The following PXN variants were observed in gnomAD, a reference collection of about 807,000 sequenced individuals.
PXN encodes testicular tissue protein Li 134.
PXN carries 61 observed loss-of-function variants against 103.6 expected under a neutral mutation model. The observed-to-expected ratio is 0.59, with a 90% CI of 0.48 to 0.73. The LOEUF (loss-of-function observed/expected upper bound fraction) is 0.73. PXN is among the 30% of genes least tolerant of loss of function. The pLI, the probability that PXN is intolerant of heterozygous loss-of-function variation, is 0.00. For missense variants in PXN, 1,274 were observed against 1,460.3 expected, an observed-to-expected ratio of 0.87 and a Z score of 2.08; for synonymous variants, 562 against 607.8, an observed-to-expected ratio of 0.92 and a Z score of 1.11.
intron 1 of PXN, among the ~76,000 whole-genome samples, chr12:120,242,430 T>C (rs1217516268): frequency 2.0e-5 from 3 of 151,896 alleles, no homozygotes; most frequent in Non-Finnish European, 4.4e-5. Flanking sequence ...AAGCAGGTTA[T>C]CAGAGGAACC....
At chr12:120,255,479 A>G (rs1697626587) in intron 1 of PXN, among the ~76,000 whole-genome samples, 1 of 152,186 alleles carries the variant, frequency 6.6e-6, no homozygotes, top group African/African-American at 2.4e-5. Context: ...GCAGATCACA[A>G]GGTCAAGAGT....
Position 120,213,889 on chromosome 12 carries a change from T to A in PXN, c.2932A>T (p.Ile978Phe), listed in dbSNP as rs1299129107. Residue 978 changes from isoleucine to phenylalanine, a missense_variant, in exon 14 of 15, where the codon ATC becomes TTC. Around this residue, in one of 2 missense-constraint regions of PXN, gnomAD observed 96 missense variants for 151.3 expected, o/e 0.63. Coordinates refer to ENST00000637617, the MANE Select transcript of PXN (RefSeq NM_001385981.1). This position sits in a 1 kb window ranked among gnomAD's most constrained non-coding sequence, Gnocchi z 4.2. ...TGCCACAGCGTGTTGAGGGCTGAGATATAGTTCTCCAGGATGGCCCGGGCG... is the reference window on the plus strand; with the variant it reads ...TGCCACAGCGTGTTGAGGGCTGAGAAATAGTTCTCCAGGATGGCCCGGGCG... ...GCARAILENY[I>F]SALNTLWHPE... 1.2e-6 allele frequency: 2 copies of A among 1,611,340 alleles called. No homozygotes were observed. The highest frequency in any genetic ancestry group is 3.4e-5 in the Admixed American group (2 of 59,670).
rs1176618108 is a variant in PXN, at chr12:120,265,454, G to A, written c.13+163C>T. Reference sequence around the variant, plus strand: ...CCGGCCTGGCCCGAGACTAAGGCCCGGTTAGGGATCCCAGCCCCGCGGAGC... The same window carrying A: ...CCGGCCTGGCCCGAGACTAAGGCCCAGTTAGGGATCCCAGCCCCGCGGAGC... On this transcript the variant is annotated intron_variant, in intron 1 of 14. Transcript: ENST00000637617. This position sits in a 1 kb window ranked among gnomAD's most constrained non-coding sequence, Gnocchi z 5.7. 6.6e-6 allele frequency among the ~76,000 whole-genome samples: 1 copy of A among 151,962 alleles called. No individual in the cohort carries two copies. The highest frequency in any genetic ancestry group is 1.5e-5 in the Non-Finnish European group (1 of 67,934).
Position 120,223,732 on chromosome 12 carries a change from C to A in PXN, c.342G>T (p.Glu114Asp), listed in dbSNP as rs568214579. Residue 114 changes from glutamate (E) to aspartate (D), a missense_variant, in exon 3 of 15, where the codon GAG (glutamate) becomes GAT (aspartate). By Grantham distance (45) the Glu-to-Asp change is conservative. Around this residue, in one of 2 missense-constraint regions of PXN, gnomAD observed 1,178 missense variants for 1,309.0 expected, o/e 0.90. Coordinates refer to ENST00000637617, the MANE Select transcript of PXN (RefSeq NM_001385981.1). Reference protein sequence around the residue: ...VGSPCSRVGEEEHVYSFPNKQ... With the variant: ...VGSPCSRVGEDEHVYSFPNKQ... ...TGGGGCAGTACCTGTAGACGTGCTC[C>A]TCCTCACCCACTCGGGAGCACGGAG... The A allele has an allele frequency of 4.4e-6, 7 of 1,597,208 alleles. No homozygotes were observed. The highest frequency in any genetic ancestry group is 6.0e-6 in the Non-Finnish European group (7 of 1,171,882).
chr12:120,226,529 A>C (rs2136365587), intron 1 of PXN: 1 of 1,233,746 alleles, frequency 8.1e-7, no homozygotes, highest in East Asian at 5.8e-5. Context: ...TTCCTTGTCA[A>C]ACATTTTGAA....
chr12:120,264,841 C>G (rs1566444259), intron 1 of PXN, among the ~76,000 whole-genome samples: 2 of 151,908 alleles, frequency 1.3e-5, no homozygotes, highest in East Asian at 1.9e-4. Flanking sequence ...CCGTTCTAGA[C>G]TTAGATACCA....
chr12:120,234,007 A>G (rs1888560146), intron 1 of PXN, among the ~76,000 whole-genome samples: 1 of 152,202 alleles, frequency 6.6e-6, no homozygotes. Context: ...TGAGGATCAA[A>G]TGTACTCAGG....
At chr12:120,260,507 A>AG (rs1245029521) in intron 1 of PXN, among the ~76,000 whole-genome samples, 1 of 151,548 alleles carries the variant, frequency 6.6e-6, no homozygotes, top group Non-Finnish European at 1.5e-5. Flanking sequence ...CAGGAAAAAA[A>AG]AAAAAAAGAA....
At chr12:120,248,759 G>C (rs1477632744) in intron 1 of PXN, 1 of 152,202 alleles carries the variant, frequency 6.6e-6, no homozygotes, top group Non-Finnish European at 1.5e-5. Flanking sequence ...CTACTTCAGA[G>C]GGCTGTTGTG....
chr12:120,248,326 A>C (rs1891525335), intron 1 of PXN, among the ~76,000 whole-genome samples: 1 of 151,946 alleles, frequency 6.6e-6, no homozygotes, highest in Non-Finnish European at 1.5e-5. Flanking sequence ...AGAGGGAAGC[A>C]CGCCAGCTCA....
intron 1 of PXN, among the ~76,000 whole-genome samples, chr12:120,258,831 G>C (rs1279430091): frequency 6.6e-6 from 1 of 151,478 alleles, no homozygotes. Context: ...AGGCCGAGGT[G>C]GGTGGATCAC....
chr12:120,233,159 T>G (rs1198182254), intron 1 of PXN, among the ~76,000 whole-genome samples: 1 of 152,212 alleles, frequency 6.6e-6, no homozygotes, highest in Non-Finnish European at 1.5e-5. Context: ...TAACGCTTCC[T>G]GCACACACCA....
chr12:120,257,385 A>C (rs558550863), intron 1 of PXN, among the ~76,000 whole-genome samples: 1 of 152,212 alleles, frequency 6.6e-6, no homozygotes, highest in Admixed American at 6.5e-5. Context: ...TCAAATAGGC[A>C]GAGTGAAGCT....
rs1883271332 is a variant in PXN, at chr12:120,216,920, G to A, written c.1913C>T (p.Ala638Val). 1.3e-6 allele frequency: 2 copies of A among 1,532,136 alleles called. No individual in the cohort carries two copies. The highest frequency in any genetic ancestry group is 1.2e-5 in the South Asian group (1 of 84,156). 94.9% of individuals were successfully genotyped at this position (1,532,136 alleles called of 1,614,324 possible). The change falls in exon 8 of 15, where the codon GCC (alanine) becomes GTC (valine). Residue 638 changes from alanine (A) to valine (V), a missense_variant. Physicochemically the swap from Ala to Val is moderately conservative, Grantham distance 64. This residue lies in a region of PXN where 1,178 missense variants were observed against 1,309.0 expected (regional missense o/e 0.90). Transcript: ENST00000637617. This position sits in a 1 kb window ranked among gnomAD's most constrained non-coding sequence, Gnocchi z 5.1. ...EEPAEAAGPS[A>V]QDWLTEGVII... ...GACGCCCTCGGTCAGCCAGTCCTGGGCAGAGGGCCCCGCCGCCTCCGCCGG... is the reference window on the plus strand; with the variant it reads ...GACGCCCTCGGTCAGCCAGTCCTGGACAGAGGGCCCCGCCGCCTCCGCCGG...
chr12:120,212,030 C>T lies in PXN; in HGVS notation c.*284G>A, dbSNP rs762012866. 20 of 671,296 alleles carry T rather than the reference C, an allele frequency of 3.0e-5. No individual in the cohort carries two copies. Among genetic ancestry groups the T allele is most frequent in the Non-Finnish European group, 4.5e-5 (16 of 358,324 alleles). 41.6% of individuals were successfully genotyped at this position (671,296 alleles called of 1,614,324 possible). On this transcript the variant is annotated 3_prime_UTR_variant, in exon 15 of 15. Transcript: ENST00000637617. The surrounding 1 kb of genome is among the most constrained non-coding windows in gnomAD (Gnocchi z 7.2). ...TGCTGGCCAGGCCAGTTCGTGGGGA[C>T]GTACATGGGCTGGGGTGGAGCCCCC...
intron 1 of PXN, chr12:120,226,406 T>G: frequency 1.6e-6 from 2 of 1,289,248 alleles, no homozygotes; most frequent in Middle Eastern, 2.1e-4. Flanking sequence ...ATAACTGCGG[T>G]TCAGAGGCAG....
At chr12:120,245,510 G>C (rs1450948646) in intron 1 of PXN, among the ~76,000 whole-genome samples, 4 of 151,806 alleles carry the variant, frequency 2.6e-5, no homozygotes, top group African/African-American at 9.7e-5. Flanking sequence ...GAATGCGGCC[G>C]GGCACAGTGG....
rs374718550 is a variant in PXN at position 120,224,667 on chromosome 12, T to G, written c.14-290A>C. The G allele has an allele frequency of 1.6e-6, 1 of 644,334 alleles. No individual in the cohort carries two copies. The highest frequency in any genetic ancestry group is 2.9e-6 in the Non-Finnish European group (1 of 348,242). The allele number at this position is 644,334 out of a possible 1,614,324, so 39.9% of individuals were successfully genotyped here. A position where few individuals can be genotyped will look rare whatever the true frequency, so the allele number is the denominator to read the frequency against. ...CCTCTGGGAGTCAGGCACCTGGCAC[T>G]GCGTTCCCTCCTGACAGGGCCGCGC... is the stretch of plus-strand genomic sequence containing the variant. On this transcript the variant is annotated intron_variant, in intron 1 of 14. Transcript: ENST00000637617. The surrounding 1 kb of genome is among the most constrained non-coding windows in gnomAD (Gnocchi z 5.0).
At position 120,228,892 on chromosome 12, in the gene PXN, G is replaced by C. The variant is rs1594432950; in HGVS notation, c.14-4515C>G. Among the ~76,000 whole-genome samples the C allele has an allele frequency of 1.3e-5, 2 of 152,350 alleles. No homozygotes were observed. Among genetic ancestry groups the C allele is most frequent in the East Asian group, 3.9e-4 (2 of 5,170 alleles). ...TGGGTCGGGAGGCCGCCCTGGGGCA[G>C]GTGGCTGGGCAGAAACAGTGCACTA... On this transcript the variant is annotated intron_variant, in intron 1 of 14. Coordinates refer to ENST00000637617, the MANE Select transcript of PXN (RefSeq NM_001385981.1). This position sits in a 1 kb window ranked among gnomAD's most constrained non-coding sequence, Gnocchi z 4.7.
Sources: allele counts gnomAD v4.1 joint callset (sites outside exome capture counted in the v4.1 genomes callset), GRCh38; gene constraint gnomAD v4.1.1; regional missense constraint gnomAD v4.1.1; non-coding constraint Gnocchi (gnomAD v3.1); transcripts MANE v1.5; gene names NCBI Gene and HGNC (gene_info 2026-07-23, HGNC 2026-07-21).